POMGNT2: variants seen among roughly 807,000 people sequenced by gnomAD.
POMGNT2 encodes the protein protein O-linked mannose N-acetylglucosaminyltransferase 2 (beta 1,4-).
A neutral mutation model predicts 37.8 loss-of-function variants in POMGNT2; 32 were observed. The ratio of observed to expected loss-of-function variants is 0.85; its 90% CI spans 0.64 to 1.14. The LOEUF is 1.14. POMGNT2 is among the 50% of genes most tolerant of loss of function. POMGNT2 has a pLI of 0.00. For missense variants in POMGNT2, 705 were observed against 780.6 expected (o/e 0.90, Z 1.15); for synonymous variants, 340 against 336.8 (o/e 1.01, Z -0.10).
At chr3:43,099,534 C>A (rs2125711260) in intron 1 of POMGNT2, among the ~76,000 whole-genome samples, 1 of 152,300 alleles carries the variant, frequency 6.6e-6, no homozygotes, top group East Asian at 1.9e-4. Flanking sequence ...AGGCCCAAAG[C>A]CATGTGCAGT....
chr3:43,080,148 G>A lies in POMGNT2; in HGVS notation c.1284C>T (p.Ser428=). The A allele has an allele frequency of 6.2e-7, 1 of 1,613,990 alleles. No individual in the cohort carries two copies. The highest frequency in any genetic ancestry group is 8.5e-7 in the Non-Finnish European group (1 of 1,179,968). ...AACAGAGATGCCGTGGGACCTCACGGCTTTGCAGGATACGGGCTTGCTCAG... is the reference window on the plus strand; with the variant it reads ...AACAGAGATGCCGTGGGACCTCACGACTTTGCAGGATACGGGCTTGCTCAG... The part of the protein sequence containing the change: ...DRAEQARILQ[S]REVPRHLCCR... The change falls in exon 2 of 2, where the codon AGC becomes AGT. Residue 428 remains serine (S), a synonymous_variant. Transcript: ENST00000344697.
chr3:43,080,791 G>C lies in POMGNT2; in HGVS notation c.641C>G (p.Pro214Arg). The C allele has an allele frequency of 6.2e-7, 1 of 1,614,022 alleles. No individual in the cohort carries two copies. Among genetic ancestry groups the C allele is most frequent in the Non-Finnish European group, 8.5e-7 (1 of 1,180,006 alleles). The change falls in exon 2 of 2, where the codon CCT becomes CGT. Residue 214 changes from proline (P) to arginine (R), a missense_variant. Physicochemically the swap from Pro to Arg is moderately radical, Grantham distance 103. Coordinates refer to ENST00000344697, the MANE Select transcript of POMGNT2 (RefSeq NM_032806.6). ...DLYKLLSPKQ[P>R]LLRAQLKTLG... ...GGTCTTCAGCTGTGCCCGCAGGAGA[G>C]GCTGCTTGGGGCTGAGCAGCTTGTA... is the stretch of plus-strand genomic sequence containing the variant.
intron 1 of POMGNT2, among the ~76,000 whole-genome samples, chr3:43,104,636 A>G (rs1448386092): frequency 1.3e-5 from 2 of 152,196 alleles, no homozygotes; most frequent in Admixed American, 6.5e-5. Flanking sequence ...ATTAATATTG[A>G]AAGGATGAGC....
Position 43,081,334 on chromosome 3 carries a change from T to C in POMGNT2, c.98A>G (p.Glu33Gly), listed in dbSNP as rs1319517779. The change falls in exon 2 of 2, where the codon GAG becomes GGG. Residue 33 changes from glutamate to glycine, a missense_variant. Coordinates refer to ENST00000344697, the MANE Select transcript of POMGNT2 (RefSeq NM_032806.6). ...VRLREHAATL[E>G]EELALSRQAT... is the part of the protein sequence containing the mutation. Reference sequence around the variant, plus strand: ...CTGTCGGCTGAGGGCCAGCTCCTCCTCCAGTGTGGCTGCATGCTCACGCAG... The same window carrying C: ...CTGTCGGCTGAGGGCCAGCTCCTCCCCCAGTGTGGCTGCATGCTCACGCAG... The C allele has an allele frequency of 6.2e-7, 1 of 1,611,174 alleles. No individual in the cohort carries two copies. The highest frequency in any genetic ancestry group is 2.2e-5 in the East Asian group (1 of 44,882).
At chr3:43,103,906 A>T (rs1175924866) in intron 1 of POMGNT2, among the ~76,000 whole-genome samples, 2 of 152,152 alleles carry the variant, frequency 1.3e-5, no homozygotes, top group African/African-American at 4.8e-5. Flanking sequence ...TGTGAATTCA[A>T]AGAGACAGCA....
At chr3:43,085,672 T>G (rs1226466114) in intron 1 of POMGNT2, among the ~76,000 whole-genome samples, 3 of 152,040 alleles carry the variant, frequency 2.0e-5, no homozygotes, top group East Asian at 1.9e-4. Flanking sequence ...GAAAACGGAC[T>G]AATACGCTAT....
At chr3:43,081,870 T>G (rs1013189611) in intron 1 of POMGNT2, among the ~76,000 whole-genome samples, 6 of 152,240 alleles carry the variant, frequency 3.9e-5, no homozygotes, top group Non-Finnish European at 8.8e-5. Context: ...TTTATGACAC[T>G]GCCATAAGAA....
At chr3:43,101,068 T>C (rs771239614) in intron 1 of POMGNT2, among the ~76,000 whole-genome samples, 5 of 152,128 alleles carry the variant, frequency 3.3e-5, no homozygotes, top group Non-Finnish European at 7.4e-5. Context: ...ATACCTGAGT[T>C]GCTGCACAAG....
chr3:43,102,464 T>A (rs1334304586), intron 1 of POMGNT2, among the ~76,000 whole-genome samples: 1 of 152,134 alleles, frequency 6.6e-6, no homozygotes, highest in African/African-American at 2.4e-5. Context: ...AGTGCAGACA[T>A]GGGAAGCCAG....
intron 1 of POMGNT2, among the ~76,000 whole-genome samples, chr3:43,084,734 G>C (rs960447185): frequency 2.0e-5 from 3 of 151,670 alleles, no homozygotes; most frequent in Non-Finnish European, 2.9e-5. Context: ...CTGTTGTTCA[G>C]ACTGGATGAT....
intron 1 of POMGNT2, among the ~76,000 whole-genome samples, chr3:43,085,300 T>C (rs866888522): frequency 6.6e-6 from 1 of 152,060 alleles, no homozygotes; most frequent in South Asian, 2.1e-4. Context: ...AAGGTGGAAG[T>C]CTAGGCTATC....
At chr3:43,103,215 T>A (rs1361592609) in intron 1 of POMGNT2, among the ~76,000 whole-genome samples, 2 of 152,156 alleles carry the variant, frequency 1.3e-5, no homozygotes, top group Non-Finnish European at 2.9e-5. Context: ...AGAGGCAGTG[T>A]GAGCTCTCAC....
chr3:43,097,674 A>AG (rs1207630300), intron 1 of POMGNT2, among the ~76,000 whole-genome samples: 25 of 152,018 alleles, frequency 1.6e-4, no homozygotes, highest in African/African-American at 6.0e-4. Flanking sequence ...ACACAATCAC[A>AG]GGGGGGTTAG....
rs1486436105 is a variant in POMGNT2, at chr3:43,080,936, G to C, written c.496C>G (p.His166Asp). 6.8e-6 allele frequency: 11 copies of C among 1,614,206 alleles called. No homozygotes were observed. Among genetic ancestry groups the C allele is most frequent in the Non-Finnish European group, 9.3e-6 (11 of 1,180,032 alleles). Residue 166 changes from histidine (H) to aspartate (D), a missense_variant, in exon 2 of 2, where the codon CAC (histidine) becomes GAC (aspartate). By Grantham distance (81) the His-to-Asp change is moderately conservative. Transcript: ENST00000344697. ...ANRFNPDNLMHVFHDDLLPLF... is the reference protein window; with the variant it reads ...ANRFNPDNLMDVFHDDLLPLF... ...GGCAGCAGGTCGTCATGAAAGACGT[G>C]CATGAGGTTGTCGGGGTTGAAGCGG...
chr3:43,081,295 G>T lies in POMGNT2; in HGVS notation c.137C>A (p.Ala46Asp), dbSNP rs1280969385. 1.2e-6 allele frequency: 2 copies of T among 1,612,842 alleles called. No individual in the cohort carries two copies. The highest frequency in any genetic ancestry group is 1.3e-5 in the African/African-American group (1 of 75,058). ...LALSRQATEP[A>D]PALRIDYPKA... ...CGGGTAGTCGATCCTCAGTGCTGGG[G>T]CTGGCTCTGTGGCCTGTCGGCTGAG... Residue 46 changes from alanine to aspartate, a missense_variant, in exon 2 of 2, where the codon GCC becomes GAC. Transcript: ENST00000344697.
rs1211672309 is a variant in POMGNT2, at chr3:43,080,988, G to C, written c.444C>G (p.Phe148Leu). ...TGGCGATGAGGGCCACGTCTGGCACGAACACCGGCTTGGGCATGAAGCGCA... is the reference window on the plus strand; with the variant it reads ...TGGCGATGAGGGCCACGTCTGGCACCAACACCGGCTTGGGCATGAAGCGCA... The part of the protein sequence containing the change: ...AALRFMPKPV[F>L]VPDVALIANR... The change falls in exon 2 of 2, where the codon TTC becomes TTG. Residue 148 changes from phenylalanine to leucine, a missense_variant. Coordinates refer to ENST00000344697, the MANE Select transcript of POMGNT2 (RefSeq NM_032806.6). 3.7e-6 allele frequency: 6 copies of C among 1,614,106 alleles called. No individual in the cohort carries two copies. The highest frequency in any genetic ancestry group is 5.1e-6 in the Non-Finnish European group (6 of 1,180,048).
At chr3:43,084,419 G>A (rs2089879473) in intron 1 of POMGNT2, among the ~76,000 whole-genome samples, 1 of 152,148 alleles carries the variant, frequency 6.6e-6, no homozygotes, top group South Asian at 2.1e-4. Flanking sequence ...GCCAAGGCGG[G>A]TGGATCACGA....
rs9811883 is a variant in POMGNT2 at position 43,080,199 on chromosome 3, C to T, written c.1233G>A (p.Gln411=). 9.2e-3 allele frequency: 14,929 copies of T among 1,613,968 alleles called. 1,004 individuals are homozygous for T. The African/African-American group carries it at 0.15, about 17-fold the overall frequency. The change falls in exon 2 of 2, where the codon CAG becomes CAA. Residue 411 remains glutamine (Q), a synonymous_variant. Transcript: ENST00000344697. ...CCCGGTCCAGATGGGTGATGCCCCC[C>T]TGATCCCAGGGCCGCTCAGGGTGTG... ...TVTHPERPWD[Q]GGITHLDRAE...
In POMGNT2 at chr3:43,079,649, G is replaced by C. The variant is rs370391130; in HGVS notation, c.*40C>G. 1.3e-6 allele frequency: 2 copies of C among 1,569,708 alleles called. No homozygotes were observed. The highest frequency in any genetic ancestry group is 2.7e-5 in the African/African-American group (2 of 74,140). On this transcript the variant is annotated 3_prime_UTR_variant, in exon 2 of 2. Transcript: ENST00000344697. The stretch of plus-strand genomic sequence containing the variant: ...TTAATGGGCCCAGGGACGCTGAACT[G>C]CAGGAGCCACCTTCCCGAGGCCAGG...
Sources: allele counts gnomAD v4.1 joint callset (sites outside exome capture counted in the v4.1 genomes callset), GRCh38; gene constraint gnomAD v4.1.1; transcripts MANE v1.5; gene names NCBI Gene and HGNC (gene_info 2026-07-23, HGNC 2026-07-21).